Variants in CNOT1 observed in about 807,000 individuals in gnomAD.
CNOT1 encodes CCR4-associated factor 1.
A neutral mutation model predicts 273.8 loss-of-function variants in CNOT1; 15 were observed. The ratio of observed to expected loss-of-function variants is 0.05; its 90% CI spans 0.04 to 0.08. The LOEUF is 0.08. Among genes scored for constraint, CNOT1 ranks in the 10% least tolerant of loss-of-function variants. The probability of loss-of-function intolerance (pLI) is 1.00; values close to 1 mark genes in which losing one functional copy is unlikely to be tolerated. For missense variants in CNOT1, 1,644 were observed against 2,912.2 expected, an observed-to-expected ratio of 0.56 and a Z score of 10.02; for synonymous variants, 1,022 against 1,005.5, an observed-to-expected ratio of 1.02 and a Z score of -0.31.
chr16:58,583,980 AAC>A (rs1186066938), intron 8 of CNOT1, among the ~76,000 whole-genome samples: 1 of 149,950 alleles, frequency 6.7e-6, no homozygotes, highest in Non-Finnish European at 1.5e-5. Flanking sequence ...CATCCTGGCT[AAC>A]ACAGTGAAAC....
intron 1 of CNOT1, among the ~76,000 whole-genome samples, chr16:58,605,161 A>T (rs1486933730): frequency 2.6e-5 from 4 of 151,678 alleles, no homozygotes; most frequent in Non-Finnish European, 5.9e-5. Flanking sequence ...ACAAACAAAC[A>T]CACCAAAAAT....
At position 58,526,003 on chromosome 16, in the gene CNOT1, G is replaced by A. The variant is rs1336742549; in HGVS notation, c.6589C>T (p.Arg2197Cys). ...AACCAATTAACCTGTAGGTTGCTGC[G>A]CAGATCAGACAGGAAAGTGACTGGT... Reference protein sequence around the residue: ...RSPVTFLSDLRSNLQVSNEPG... With the variant: ...RSPVTFLSDLCSNLQVSNEPG... Residue 2197 changes from arginine (R) to cysteine (C), a missense_variant, in exon 45 of 49, where the codon CGC becomes TGC. Physicochemically the swap from Arg to Cys is radical, Grantham distance 180 (BLOSUM62 -3). This residue lies in a region of CNOT1 where 140 missense variants were observed against 324.6 expected (regional missense o/e 0.43). Coordinates refer to ENST00000317147, the MANE Select transcript of CNOT1 (RefSeq NM_016284.5). 1 of 1,614,038 alleles carries A rather than the reference G, an allele frequency of 6.2e-7. No homozygotes were observed. Among genetic ancestry groups the A allele is most frequent in the Admixed American group, 1.7e-5 (1 of 60,026 alleles).
At chr16:58,576,317 G>T in intron 14 of CNOT1, 146 bp downstream of exon 14, 1 of 1,105,328 alleles carries the variant, frequency 9.0e-7, no homozygotes. Flanking sequence ...ACCATGTTTT[G>T]GTCAGGCTGG....
At chr16:58,530,770 G>C in intron 42 of CNOT1, 2 of 136,138 alleles carry the variant, frequency 1.5e-5, no homozygotes, top group Non-Finnish European at 3.1e-5. Flanking sequence ...GACAACAAGA[G>C]CAAAACTCCA....
intron 10 of CNOT1, among the ~76,000 whole-genome samples, chr16:58,581,739 GA>G (rs2041664746): frequency 6.6e-6 from 1 of 151,816 alleles, no homozygotes; most frequent in South Asian, 2.1e-4. Flanking sequence ...TCAGCTCACT[GA>G]AACCTCTGCC....
intron 1 of CNOT1, among the ~76,000 whole-genome samples, chr16:58,628,599 T>TAAA (rs11394544): frequency 7.2e-4 from 102 of 141,140 alleles, no homozygotes; most frequent in Middle Eastern, 7.2e-3. Context: ...ATCACTGACT[T>TAAA]AAAAAAAAAA....
At chr16:58,616,164 T>C (rs13329892) in intron 1 of CNOT1, among the ~76,000 whole-genome samples, 6,544 of 125,116 alleles carry the variant, frequency 0.052, 1,566 homozygotes, top group African/African-American at 0.16. Flanking sequence ...TGGAGTGCAG[T>C]GTCATGATCT....
chr16:58,618,325 T>A (rs771530968), intron 1 of CNOT1, among the ~76,000 whole-genome samples: 35 of 152,022 alleles, frequency 2.3e-4, no homozygotes, highest in Non-Finnish European at 4.1e-4. Context: ...AGCTCACACC[T>A]GTAATCCCAG....
chr16:58,539,992 C>CAA, intron 34 of CNOT1, 33 bp from the exon 35 acceptor site: 1 of 1,574,824 alleles, frequency 6.3e-7, no homozygotes. Flanking sequence ...CAACAAGAGA[C>CAA]AAAAGAATGT....
chr16:58,591,888 T>G (rs1212682466), intron 2 of CNOT1, among the ~76,000 whole-genome samples: 2 of 152,156 alleles, frequency 1.3e-5, no homozygotes, highest in Non-Finnish European at 1.5e-5. Context: ...ATGATTTTTT[T>G]TCAACCATTC....
chr16:58,609,351 G>A (rs2152029591), intron 1 of CNOT1, among the ~76,000 whole-genome samples: 1 of 150,770 alleles, frequency 6.6e-6, no homozygotes, highest in Admixed American at 6.7e-5. Flanking sequence ...CAGCCTAGGT[G>A]ACAGAGGGAG....
At chr16:58,545,628 C>A in intron 29 of CNOT1, 137 bp from the exon 30 acceptor site, 1 of 1,428,928 alleles carries the variant, frequency 7.0e-7, no homozygotes, top group Non-Finnish European at 9.3e-7. Context: ...GTAGCAGGTC[C>A]TATTTTTCCC....
intron 44 of CNOT1, among the ~76,000 whole-genome samples, chr16:58,527,458 C>T (rs199498830): frequency 5.9e-5 from 9 of 151,756 alleles, no homozygotes; most frequent in African/African-American, 9.7e-5. Flanking sequence ...CCCCAGGAGG[C>T]GGAAGTTGCA....
chr16:58,627,403 CAAAAAA>C (rs754338444), intron 1 of CNOT1, among the ~76,000 whole-genome samples: 3 of 65,162 alleles, frequency 4.6e-5, no homozygotes, highest in African/African-American at 7.2e-5. Context: ...GACTCCATCT[CAAAAAA>C]AAAAAAAAAA....
chr16:58,627,147 G>C (rs1284517825), intron 1 of CNOT1, among the ~76,000 whole-genome samples: 1 of 151,998 alleles, frequency 6.6e-6, no homozygotes, highest in African/African-American at 2.4e-5. Flanking sequence ...CGTGGCTCAC[G>C]TCTGTAATCC....
chr16:58,541,433 A>C, intron 34 of CNOT1, 68 bp downstream of exon 34: 1 of 1,575,424 alleles, frequency 6.3e-7, no homozygotes, highest in Non-Finnish European at 8.6e-7. Flanking sequence ...AGTCAAAAAC[A>C]TATATTAAAT....
chr16:58,623,372 G>A (rs527397438), intron 1 of CNOT1: 1 of 152,194 alleles, frequency 6.6e-6, no homozygotes, highest in Non-Finnish European at 1.5e-5. Flanking sequence ...CTGATAGCTT[G>A]GCAACTTCTA....
At chr16:58,620,314 T>C (rs62067310) in intron 1 of CNOT1, among the ~76,000 whole-genome samples, 6,263 of 152,194 alleles carry the variant, frequency 0.041, 419 homozygotes, top group East Asian at 0.26. Flanking sequence ...ACTAGAATGA[T>C]AAAGTTTTGG....
intron 1 of CNOT1, among the ~76,000 whole-genome samples, chr16:58,613,843 C>T (rs2042982083): frequency 8.2e-6 from 1 of 122,352 alleles, no homozygotes; most frequent in East Asian, 2.0e-4. Flanking sequence ...AATCCCAGCA[C>T]TTTGGGAGGC....
Sources: allele counts gnomAD v4.1 joint callset (sites outside exome capture counted in the v4.1 genomes callset), GRCh38; gene constraint gnomAD v4.1.1; regional missense constraint gnomAD v4.1.1; transcripts MANE v1.5; gene names NCBI Gene and HGNC (gene_info 2026-07-23, HGNC 2026-07-21).